Variants in CARF observed in about 807,000 individuals in gnomAD.
The protein encoded by CARF is calcium responsive transcription factor, also known as calcium-responsive transcription factor.
A neutral mutation model predicts 82.0 loss-of-function variants in CARF; 57 were observed. That is an observed-to-expected ratio of 0.70 (90% CI 0.56 to 0.87). CARF has a LOEUF of 0.87. Among genes scored for constraint, CARF ranks in the 40% least tolerant of loss-of-function variants. The pLI is 0.00. For missense variants in CARF, 771 were observed against 855.8 expected (o/e 0.90, Z 1.24); for synonymous variants, 268 against 290.1 (o/e 0.92, Z 0.77).
At chr2:202,926,378 C>T (rs893355824) in intron 3 of CARF, among the ~76,000 whole-genome samples, 1 of 152,230 alleles carries the variant, frequency 6.6e-6, no homozygotes, top group Non-Finnish European at 1.5e-5. Context: ...AATAAAGCCT[C>T]AGCTAAGCCA....
At chr2:202,933,098 G>A (rs981391685) in intron 3 of CARF, among the ~76,000 whole-genome samples, 1 of 152,140 alleles carries the variant, frequency 6.6e-6, no homozygotes, top group African/African-American at 2.4e-5. Flanking sequence ...TGTTTCCCTA[G>A]GAGGCAGGAT....
chr2:202,981,591 A>T lies in CARF; in HGVS notation c.1595A>T (p.Glu532Val). Residue 532 changes from glutamate (E) to valine (V), a missense_variant, in exon 15 of 17, where the codon GAA (glutamate) becomes GTA (valine). Physicochemically the swap from Glu to Val is moderately radical, Grantham distance 121. Coordinates refer to ENST00000438828, the MANE Select transcript of CARF (RefSeq NM_024744.17). ...GGAGAATCAATTACCACCAAAGTGGAAACAAATCAGACCAGGGGTTCTTTG... is the reference window on the plus strand; with the variant it reads ...GGAGAATCAATTACCACCAAAGTGGTAACAAATCAGACCAGGGGTTCTTTG... ...SPGESITTKV[E>V]TNQTRGSLSP... 6.2e-7 allele frequency: 1 copy of T among 1,607,796 alleles called. No homozygotes were observed.
chr2:202,961,173 C>A, intron 8 of CARF, 64 bp from the exon 9 acceptor site: 1 of 1,341,068 alleles, frequency 7.5e-7, no homozygotes, highest in Admixed American at 2.1e-5. Flanking sequence ...ACAACCATCT[C>A]ATTACATTTA....
At chr2:202,928,970 T>G (rs1356733323) in intron 3 of CARF, among the ~76,000 whole-genome samples, 1 of 151,976 alleles carries the variant, frequency 6.6e-6, no homozygotes, top group Non-Finnish European at 1.5e-5. Flanking sequence ...CCTCAGGCAG[T>G]CCTCCAGCCT....
chr2:202,960,776 T>A (rs935363593), intron 8 of CARF, among the ~76,000 whole-genome samples: 7 of 149,430 alleles, frequency 4.7e-5, no homozygotes, highest in African/African-American at 1.7e-4. Flanking sequence ...TCTCCTTCCC[T>A]CCTTCCCTCC....
intron 3 of CARF, among the ~76,000 whole-genome samples, chr2:202,933,557 C>T (rs1002665263): frequency 6.6e-6 from 1 of 152,140 alleles, no homozygotes; most frequent in Non-Finnish European, 1.5e-5. Flanking sequence ...CTTCCTGGTT[C>T]CTAGCTCTTC....
intron 3 of CARF, among the ~76,000 whole-genome samples, chr2:202,928,553 T>G (rs546949876): frequency 6.6e-6 from 1 of 152,272 alleles, no homozygotes; most frequent in Admixed American, 6.5e-5. Flanking sequence ...CTCTATACTG[T>G]TTTTCATAAT....
chr2:202,956,165 G>C (rs897001342), intron 8 of CARF, among the ~76,000 whole-genome samples: 1 of 150,810 alleles, frequency 6.6e-6, no homozygotes, highest in Admixed American at 6.6e-5. Context: ...GTCTTTTGGA[G>C]CACTTACCTA....
chr2:202,967,886 G>A (rs1010153052), intron 10 of CARF, among the ~76,000 whole-genome samples: 4 of 152,174 alleles, frequency 2.6e-5, no homozygotes, highest in African/African-American at 7.2e-5. Flanking sequence ...CTACAGAGTA[G>A]TCATTGCTCT....
chr2:202,982,084 C>G lies in CARF; in HGVS notation c.1702C>G (p.Gln568Glu). ...TTTGGTTTAAAAGGGTTTGCAGTTA[C>G]AACCAAGGTACACCTCTCCTGATGA... ...IFTQLQGLQL[Q>E]PRYTSPDESP... The change falls in exon 16 of 17, where the codon CAA becomes GAA. Residue 568 changes from glutamine to glutamate, a missense_variant. Transcript: ENST00000438828. 6.2e-7 allele frequency: 1 copy of G among 1,613,260 alleles called. No homozygotes were observed. Among genetic ancestry groups the G allele is most frequent in the South Asian group, 1.1e-5 (1 of 90,804 alleles).
At chr2:202,982,908 C>A (rs2060324857) in intron 16 of CARF, among the ~76,000 whole-genome samples, 1 of 152,088 alleles carries the variant, frequency 6.6e-6, no homozygotes, top group Admixed American at 6.6e-5. Flanking sequence ...TGTTTTGAGA[C>A]AGAGTCTCAT....
At chr2:202,972,202 A>AAAG in intron 12 of CARF, among the ~76,000 whole-genome samples, 1 of 151,898 alleles carries the variant, frequency 6.6e-6, no homozygotes, top group East Asian at 1.9e-4. Flanking sequence ...GATCCTCAGG[A>AAAG]AATAATAATA....
chr2:202,968,693 A>C (rs906648970), intron 10 of CARF, among the ~76,000 whole-genome samples: 5 of 152,090 alleles, frequency 3.3e-5, no homozygotes, highest in African/African-American at 1.2e-4. Flanking sequence ...TTGACTGTCT[A>C]CTCTGTGCCC....
intron 9 of CARF, among the ~76,000 whole-genome samples, chr2:202,966,174 C>G (rs908207402): frequency 1.3e-5 from 2 of 152,144 alleles, no homozygotes; most frequent in African/African-American, 4.8e-5. Context: ...TACTTCCTAC[C>G]ACTTTGGCCA....
intron 12 of CARF, chr2:202,973,546 C>G (rs750447061): frequency 2.6e-6 from 1 of 386,032 alleles, no homozygotes; most frequent in Non-Finnish European, 5.0e-6. Context: ...TGTTTACGCA[C>G]ATAACCTGGG....
chr2:202,941,213 C>T (rs1490142765), intron 3 of CARF, among the ~76,000 whole-genome samples: 2 of 151,938 alleles, frequency 1.3e-5, no homozygotes, highest in Admixed American at 1.3e-4. Context: ...AAACGAGAAG[C>T]AATTAAAAGA....
intron 5 of CARF, among the ~76,000 whole-genome samples, chr2:202,943,882 G>A (rs568909731): frequency 4.6e-5 from 7 of 152,020 alleles, no homozygotes; most frequent in East Asian, 1.9e-4. Context: ...TCCTGACCTC[G>A]TTATCCACCC....
At chr2:202,957,544 T>C (rs1320350310) in intron 8 of CARF, among the ~76,000 whole-genome samples, 1 of 152,224 alleles carries the variant, frequency 6.6e-6, no homozygotes, top group Non-Finnish European at 1.5e-5. Flanking sequence ...TTTCTAACTA[T>C]TCTTCAAATC....
intron 1 of CARF, among the ~76,000 whole-genome samples, chr2:202,914,022 C>A (rs1369598911): frequency 1.3e-5 from 2 of 152,088 alleles, no homozygotes; most frequent in African/African-American, 4.8e-5. Context: ...TAACTAAATA[C>A]CCAGCATTAT....
Sources: gnomAD v4.1 joint callset for allele counts (sites outside exome capture counted in the v4.1 genomes callset) on GRCh38, gnomAD v4.1.1 for gene constraint, MANE v1.5 for transcripts, NCBI Gene and HGNC (gene_info 2026-07-23, HGNC 2026-07-21) for gene names.